FTO: variants seen among roughly 807,000 people sequenced by gnomAD.
The protein encoded by FTO is FTO alpha-ketoglutarate dependent dioxygenase, also known as alpha-ketoglutarate-dependent dioxygenase FTO.
In FTO, 47 loss-of-function variants were observed where a neutral mutation model predicts 63.9. That is an observed-to-expected ratio of 0.74 (90% confidence interval 0.58 to 0.94). The LOEUF (loss-of-function observed/expected upper bound fraction) is 0.94, where lower values mean the gene tolerates loss of function less well. Among genes scored for constraint, FTO ranks in the 40% least tolerant of loss-of-function variants. The pLI is 0.00. For missense variants in FTO, 562 were observed against 618.1 expected (o/e 0.91, Z 0.96); for synonymous variants, 207 against 224.4 (o/e 0.92, Z 0.69).
chr16:53,857,328 C>T (rs1372091988), intron 4 of FTO, among the ~76,000 whole-genome samples: 1 of 152,080 alleles, frequency 6.6e-6, no homozygotes, highest in Non-Finnish European at 1.5e-5. Context: ...TAAGAGAGAA[C>T]GTGCAGTATT....
rs2079553171 is a variant in FTO, at chr16:53,844,183, T to A, written c.780T>A (p.Ser260=). 1 of 1,613,782 alleles carries A rather than the reference T, an allele frequency of 6.2e-7. No individual in the cohort carries two copies. The highest frequency in any genetic ancestry group is 1.7e-5 in the Admixed American group (1 of 60,002). The change falls in exon 4 of 9, where the codon TCT becomes TCA. Residue 260 remains serine (S), a synonymous_variant. Coordinates refer to ENST00000471389, the MANE Select transcript of FTO (RefSeq NM_001080432.3). ...CTGAAGAGGAAAGTGAGGATGACTC[T>A]CATCTCGAAGGCAGGGATCCTGATA... ...EGPEEESEDD[S]HLEGRDPDIW...
intron 8 of FTO, among the ~76,000 whole-genome samples, chr16:54,014,693 AACCAAGGAATC>A (rs2084395794): frequency 6.6e-6 from 1 of 152,020 alleles, no homozygotes; most frequent in Non-Finnish European, 1.5e-5. Flanking sequence ...TGATTGACTG[AACCAAGGAATC>A]ACCCTCCTAA....
chr16:54,058,537 C>G (rs1257825817), intron 8 of FTO, among the ~76,000 whole-genome samples: 6 of 152,314 alleles, frequency 3.9e-5, no homozygotes, highest in Admixed American at 3.9e-4. Flanking sequence ...CCCCAGTAAT[C>G]CCGTCAAGAG....
intron 1 of FTO, among the ~76,000 whole-genome samples, chr16:53,775,696 A>G (rs1412287577): frequency 6.6e-6 from 1 of 152,108 alleles, no homozygotes; most frequent in Non-Finnish European, 1.5e-5. Context: ...ACTGAATTTT[A>G]GCCAAAAGGT....
At chr16:53,717,603 C>T (rs1178337996) in intron 1 of FTO, among the ~76,000 whole-genome samples, 2 of 151,912 alleles carry the variant, frequency 1.3e-5, no homozygotes, top group Non-Finnish European at 2.9e-5. Context: ...CAAAAGTTTT[C>T]CTTTGTTTTT....
At chr16:53,901,788 C>G (rs1249802239) in intron 7 of FTO, among the ~76,000 whole-genome samples, 3 of 152,162 alleles carry the variant, frequency 2.0e-5, no homozygotes, top group African/African-American at 7.2e-5. Flanking sequence ...TTTCCAATGA[C>G]TGGTTTTATT....
chr16:53,860,073 C>T (rs1188111668), intron 4 of FTO, among the ~76,000 whole-genome samples: 1 of 151,976 alleles, frequency 6.6e-6, no homozygotes, highest in Non-Finnish European at 1.5e-5. Flanking sequence ...AAAGAAAATG[C>T]AGTAGGTATA....
chr16:53,867,517 G>GTA (rs994182612), intron 4 of FTO, among the ~76,000 whole-genome samples: 7 of 151,888 alleles, frequency 4.6e-5, no homozygotes, highest in African/African-American at 1.7e-4. Flanking sequence ...GTGTGTGTGT[G>GTA]TGTGTGTGTG....
chr16:53,829,787 T>G (rs1000576177), intron 3 of FTO, among the ~76,000 whole-genome samples: 1 of 152,208 alleles, frequency 6.6e-6, no homozygotes, highest in Non-Finnish European at 1.5e-5. Context: ...ATTATAATTA[T>G]GAAATGATGA....
At chr16:53,880,424 C>T (rs1272936001) in intron 6 of FTO, among the ~76,000 whole-genome samples, 1 of 152,166 alleles carries the variant, frequency 6.6e-6, no homozygotes, top group Non-Finnish European at 1.5e-5. Flanking sequence ...CAGGTTATTA[C>T]GTATATCAAT....
intron 7 of FTO, among the ~76,000 whole-genome samples, chr16:53,926,987 G>A (rs1026927983): frequency 1.3e-5 from 2 of 152,174 alleles, no homozygotes; most frequent in African/African-American, 2.4e-5. Flanking sequence ...AAGAAACTTC[G>A]TGGAAGCACT....
rs1259855304 is a variant in FTO at position 53,825,878 on chromosome 16, T to C, written c.138T>C (p.Tyr46=). The C allele has an allele frequency of 2.5e-6, 4 of 1,613,768 alleles. No homozygotes were observed. The highest frequency in any genetic ancestry group is 2.5e-6 in the Non-Finnish European group (3 of 1,180,028). ...DEFYQQWQLK[Y]PKLILREASS... is the part of the protein sequence containing the mutation. ...TTTTGTTTTAGTGGCAGCTGAAATA[T>C]CCTAAACTAATTCTCCGAGAAGCCA... The change falls in exon 3 of 9, where the codon TAT becomes TAC. Residue 46 remains tyrosine (Y), a synonymous_variant. Coordinates refer to ENST00000471389, the MANE Select transcript of FTO (RefSeq NM_001080432.3).
chr16:53,983,914 A>G (rs2083605750), intron 8 of FTO, among the ~76,000 whole-genome samples: 1 of 152,230 alleles, frequency 6.6e-6, no homozygotes, highest in Non-Finnish European at 1.5e-5. Flanking sequence ...GACAACTAAT[A>G]TAAAACACTA....
intron 7 of FTO, chr16:53,911,450 G>A (rs755788528): frequency 2.8e-5 from 20 of 702,968 alleles, no homozygotes; most frequent in African/African-American, 7.0e-5. Context: ...TGGCCATACC[G>A]TTGCATTCAT....
intron 8 of FTO, among the ~76,000 whole-genome samples, chr16:54,016,800 G>A (rs2084459794): frequency 6.6e-6 from 1 of 152,152 alleles, no homozygotes; most frequent in Non-Finnish European, 1.5e-5. Context: ...ATGTGTCATA[G>A]TAGGCTATTG....
intron 1 of FTO, among the ~76,000 whole-genome samples, chr16:53,775,840 CCTTT>C (rs1354424643): frequency 2.0e-5 from 3 of 152,012 alleles, no homozygotes; most frequent in African/African-American, 4.8e-5. Flanking sequence ...GTTTTTTTCT[CCTTT>C]CTTCATACTT....
chr16:53,943,016 A>T (rs1002335224), intron 8 of FTO, among the ~76,000 whole-genome samples: 1 of 152,330 alleles, frequency 6.6e-6, no homozygotes, highest in African/African-American at 2.4e-5. Flanking sequence ...GCTAGTTGCC[A>T]TCCGGGTCTT....
intron 8 of FTO, among the ~76,000 whole-genome samples, chr16:54,004,228 T>C (rs1352562792): frequency 6.6e-6 from 1 of 152,076 alleles, no homozygotes; most frequent in Non-Finnish European, 1.5e-5. Flanking sequence ...AAGACCGTAT[T>C]ATGAATTTAG....
chr16:53,889,245 A>G (rs1202522994), intron 7 of FTO, among the ~76,000 whole-genome samples: 1 of 152,232 alleles, frequency 6.6e-6, no homozygotes. Context: ...GCATTTTTAT[A>G]TGCATCAGGT....
Sources: gnomAD v4.1 joint callset for allele counts (sites outside exome capture counted in the v4.1 genomes callset) on GRCh38, gnomAD v4.1.1 for gene constraint, MANE v1.5 for transcripts, NCBI Gene and HGNC (gene_info 2026-07-23, HGNC 2026-07-21) for gene names.